The following ABTB3 variants were observed in gnomAD, a reference collection of about 807,000 sequenced individuals.
ABTB3 encodes the protein ankyrin repeat and BTB domain containing 3.
At chr12:107,400,783 G>C in the ABTB3 span, among the ~76,000 whole-genome samples, 1 of 152,080 alleles carries the variant, frequency 6.6e-6, no homozygotes, top group East Asian at 1.9e-4. Flanking sequence ...CCTTTACCCA[G>C]TTCACTGCTG....
chr12:107,599,946 T>C, the ABTB3 span, among the ~76,000 whole-genome samples: 1 of 152,140 alleles, frequency 6.6e-6, no homozygotes, highest in Non-Finnish European at 1.5e-5. Flanking sequence ...TATTCAGTAA[T>C]GTTGAATTCT....
chr12:107,612,930 G>T, the ABTB3 span: 1 of 1,491,314 alleles, frequency 6.7e-7, no homozygotes, highest in South Asian at 1.2e-5. Flanking sequence ...AAGCGAGCAA[G>T]AAAGGGGGGC....
At chr12:107,412,252 T>C in the ABTB3 span, among the ~76,000 whole-genome samples, 14 of 152,196 alleles carry the variant, frequency 9.2e-5, no homozygotes, top group Admixed American at 3.3e-4. Flanking sequence ...CATAATACAA[T>C]GCTTCCCATC....
the ABTB3 span, among the ~76,000 whole-genome samples, chr12:107,556,877 T>A: frequency 6.6e-6 from 1 of 151,940 alleles, no homozygotes; most frequent in Admixed American, 6.6e-5. Context: ...CTGGGCATGG[T>A]GGCATGTGAC....
At chr12:107,544,192 G>A in the ABTB3 span, 1 of 1,565,188 alleles carries the variant, frequency 6.4e-7, no homozygotes, top group Non-Finnish European at 8.7e-7. Flanking sequence ...CTCCAGGGTG[G>A]GGCAAGTGTC....
the ABTB3 span, among the ~76,000 whole-genome samples, chr12:107,537,600 C>A: frequency 6.6e-6 from 1 of 152,170 alleles, no homozygotes; most frequent in Non-Finnish European, 1.5e-5. Context: ...TTCCTCCACC[C>A]TCCCTTGCTC....
At chr12:107,457,008 C>T in the ABTB3 span, among the ~76,000 whole-genome samples, 1 of 152,080 alleles carries the variant, frequency 6.6e-6, no homozygotes, top group Non-Finnish European at 1.5e-5. Flanking sequence ...TGCAGGCACC[C>T]GCCACCACGC....
chr12:107,395,931 G>T, the ABTB3 span, among the ~76,000 whole-genome samples: 3 of 152,248 alleles, frequency 2.0e-5, no homozygotes, highest in Non-Finnish European at 4.4e-5. Flanking sequence ...AGCACAGGAG[G>T]CTGGATGGGA....
chr12:107,455,791 G>A, the ABTB3 span, among the ~76,000 whole-genome samples: 1 of 152,108 alleles, frequency 6.6e-6, no homozygotes, highest in Non-Finnish European at 1.5e-5. Context: ...GGTCTAGGAC[G>A]GCCTCTGATG....
chr12:107,656,689 G>T, the ABTB3 span, among the ~76,000 whole-genome samples: 2 of 152,224 alleles, frequency 1.3e-5, no homozygotes, highest in Non-Finnish European at 2.9e-5. Flanking sequence ...TATATATTAT[G>T]CTTTTATTTT....
At chr12:107,535,041 A>G in the ABTB3 span, among the ~76,000 whole-genome samples, 2 of 152,348 alleles carry the variant, frequency 1.3e-5, no homozygotes, top group East Asian at 3.9e-4. Flanking sequence ...CAAAAATCCC[A>G]ACAAAATACT....
At chr12:107,338,742 G>A in the ABTB3 span, among the ~76,000 whole-genome samples, 1 of 152,162 alleles carries the variant, frequency 6.6e-6, no homozygotes, top group Non-Finnish European at 1.5e-5. Flanking sequence ...GCTGACCCTG[G>A]CCCCTACCCT....
chr12:107,608,965 A>AAT, the ABTB3 span, among the ~76,000 whole-genome samples: 1 of 78,772 alleles, frequency 1.3e-5, no homozygotes, highest in African/African-American at 5.2e-5. Flanking sequence ...ATATAAAATA[A>AAT]AATATAAAAT....
the ABTB3 span, among the ~76,000 whole-genome samples, chr12:107,426,932 T>C: frequency 6.6e-6 from 1 of 152,138 alleles, no homozygotes; most frequent in African/African-American, 2.4e-5. Flanking sequence ...AGCCCCCTTA[T>C]TCTCCTGCTT....
chr12:107,580,742 C>G, the ABTB3 span: 1 of 1,357,908 alleles, frequency 7.4e-7, no homozygotes, highest in African/African-American at 1.5e-5. Flanking sequence ...CAGGGAGCCC[C>G]AAATAGAAAT....
the ABTB3 span, among the ~76,000 whole-genome samples, chr12:107,369,820 G>A: frequency 6.8e-6 from 1 of 146,638 alleles, no homozygotes; most frequent in African/African-American, 2.5e-5. Context: ...GAATTTGCCT[G>A]GTGTATTCTG....
the ABTB3 span, among the ~76,000 whole-genome samples, chr12:107,369,401 T>TTC: frequency 3.3e-5 from 5 of 150,382 alleles, no homozygotes; most frequent in African/African-American, 1.2e-4. Context: ...GGTTTTTTTT[T>TTC]TTTTTTTTCT....
At chr12:107,523,089 T>C in the ABTB3 span, among the ~76,000 whole-genome samples, 1 of 152,212 alleles carries the variant, frequency 6.6e-6, no homozygotes, top group Admixed American at 6.5e-5. Flanking sequence ...GGGGTTGGTA[T>C]TGAAATTCCA....
chr12:107,381,501 A>T, the ABTB3 span, among the ~76,000 whole-genome samples: 1 of 152,222 alleles, frequency 6.6e-6, no homozygotes, highest in Admixed American at 6.5e-5. Context: ...TGGCCAAGAA[A>T]GAGGAGAGCT....
Sources: allele counts gnomAD v4.1 joint callset (sites outside exome capture counted in the v4.1 genomes callset), GRCh38; gene constraint gnomAD v4.1.1; transcripts MANE v1.5; gene names NCBI Gene and HGNC (gene_info 2026-07-23, HGNC 2026-07-21).